Variants in NETO2 observed in about 807,000 individuals in gnomAD.
NETO2 encodes neuropilin and tolloid-like protein 2.
Under a neutral mutation model 62.5 loss-of-function variants are expected in NETO2, and 28 were observed. The observed-to-expected ratio is 0.45, with a 90% CI of 0.33 to 0.61. The LOEUF (loss-of-function observed/expected upper bound fraction) is 0.61. Ranked by LOEUF, NETO2 falls within the 20% of genes least tolerant of loss-of-function variation. The pLI is 0.02. For missense variants in NETO2, 548 were observed against 643.2 expected (o/e 0.85, Z 1.60); for synonymous variants, 214 against 219.1 (o/e 0.98, Z 0.21).
At chr16:47,094,722 G>A (rs992371622) in intron 7 of NETO2, among the ~76,000 whole-genome samples, 1 of 143,776 alleles carries the variant, frequency 7.0e-6, no homozygotes, top group Admixed American at 7.1e-5. Context: ...CACCGCGCCT[G>A]GCCATTTATT....
intron 1 of NETO2, among the ~76,000 whole-genome samples, chr16:47,132,465 TAATC>T (rs1186831596): frequency 6.6e-6 from 1 of 152,194 alleles, no homozygotes; most frequent in East Asian, 1.9e-4. Flanking sequence ...AGAACATTCT[TAATC>T]AAGACAGAAG....
intron 6 of NETO2, among the ~76,000 whole-genome samples, chr16:47,119,041 T>C (rs1236813780): frequency 6.6e-6 from 1 of 152,144 alleles, no homozygotes; most frequent in Non-Finnish European, 1.5e-5. Context: ...TTTCTTTCCT[T>C]TTTTGTTTGG....
chr16:47,122,583 C>A, intron 6 of NETO2, 74 bp downstream of exon 6: 1 of 1,530,916 alleles, frequency 6.5e-7, no homozygotes. Flanking sequence ...TTTACACAAA[C>A]CAAAATTACA....
intron 4 of NETO2, among the ~76,000 whole-genome samples, chr16:47,125,493 G>A (rs754899413): frequency 3.9e-5 from 6 of 151,914 alleles, no homozygotes; most frequent in Non-Finnish European, 8.8e-5. Flanking sequence ...TTACAGACGT[G>A]CACCACCACG....
intron 3 of NETO2, 35 bp downstream of exon 3, chr16:47,129,188 TA>T (rs769422684): frequency 6.2e-7 from 1 of 1,600,256 alleles, no homozygotes; most frequent in South Asian, 1.1e-5. Context: ...TACAATAAAG[TA>T]AAAATTCATC....
chr16:47,109,932 T>C (rs1963757112), intron 6 of NETO2, among the ~76,000 whole-genome samples: 1 of 152,204 alleles, frequency 6.6e-6, no homozygotes, highest in Admixed American at 6.5e-5. Context: ...TTACTTTGTG[T>C]TTTGTCTATA....
chr16:47,108,324 G>T (rs1043916131), intron 7 of NETO2, among the ~76,000 whole-genome samples: 1 of 152,098 alleles, frequency 6.6e-6, no homozygotes, highest in Non-Finnish European at 1.5e-5. Flanking sequence ...AGAAGATATT[G>T]GCATAGTCTC....
At chr16:47,093,322 A>G (rs1029401587) in intron 7 of NETO2, among the ~76,000 whole-genome samples, 1 of 152,164 alleles carries the variant, frequency 6.6e-6, no homozygotes, top group Non-Finnish European at 1.5e-5. Flanking sequence ...CCTTCAAAAT[A>G]TATCTACTCT....
intron 2 of NETO2, 26 bp downstream of exon 2, chr16:47,131,942 AG>A: frequency 6.3e-7 from 1 of 1,591,234 alleles, no homozygotes; most frequent in Non-Finnish European, 8.6e-7. Context: ...TTAAACATGC[AG>A]TAAGTCACCA....
chr16:47,133,169 T>C (rs1164747422), intron 1 of NETO2, among the ~76,000 whole-genome samples: 1 of 152,150 alleles, frequency 6.6e-6, no homozygotes, highest in Admixed American at 6.6e-5. Flanking sequence ...AGGTCCATTC[T>C]GCTGGGGGTT....
chr16:47,120,216 T>C (rs1324042233), intron 6 of NETO2, among the ~76,000 whole-genome samples: 1 of 152,202 alleles, frequency 6.6e-6, no homozygotes, highest in East Asian at 1.9e-4. Flanking sequence ...CATCAGCTCT[T>C]TTTTGACATT....
At chr16:47,086,906 A>G (rs183292402) in intron 7 of NETO2, among the ~76,000 whole-genome samples, 46 of 152,368 alleles carry the variant, frequency 3.0e-4, no homozygotes, top group Admixed American at 2.9e-3. Context: ...TGATGGGTGG[A>G]TGGATAAACA....
chr16:47,093,092 G>C lies in NETO2; in HGVS notation c.884-6753C>G, dbSNP rs112534674. ...GCCCCAGCTAAGGCACAGCGCTAAA[G>C]ATGTTACTTTATAGTGTCAACTCCC... is the stretch of plus-strand genomic sequence containing the variant. On this transcript the variant is annotated intron_variant, in intron 7 of 8. Coordinates refer to ENST00000562435, the MANE Select transcript of NETO2 (RefSeq NM_018092.5). 2.0e-3 allele frequency among the ~76,000 whole-genome samples: 310 copies of C among 152,256 alleles called. 4 individuals are homozygous for C. The highest frequency in any genetic ancestry group is 7.1e-3 in the African/African-American group (295 of 41,558).
intron 7 of NETO2, among the ~76,000 whole-genome samples, 175 bp from the exon 8 acceptor site, chr16:47,086,514 T>G (rs1963193498): frequency 1.3e-5 from 2 of 152,230 alleles, no homozygotes; most frequent in Non-Finnish European, 1.5e-5. Flanking sequence ...GCTGGCTCAT[T>G]CAAACTTTTT....
At chr16:47,084,371 C>A (rs912455379) in intron 8 of NETO2, among the ~76,000 whole-genome samples, 1 of 152,212 alleles carries the variant, frequency 6.6e-6, no homozygotes. Context: ...GGGTCCTCAA[C>A]CCCTGGGCCA....
At chr16:47,140,364 A>G (rs16952589) in intron 1 of NETO2, among the ~76,000 whole-genome samples, 11,542 of 152,240 alleles carry the variant, frequency 0.076, 759 homozygotes, top group African/African-American at 0.18. Context: ...TTGAAAAATG[A>G]TAGGAGATTG....
intron 4 of NETO2, among the ~76,000 whole-genome samples, chr16:47,126,217 C>G (rs1964154850): frequency 1.3e-5 from 2 of 152,152 alleles, no homozygotes; most frequent in Non-Finnish European, 2.9e-5. Flanking sequence ...CAGCTTTATT[C>G]ATAATTGCCA....
At chr16:47,103,527 G>A (rs1478008531) in intron 7 of NETO2, among the ~76,000 whole-genome samples, 1 of 152,046 alleles carries the variant, frequency 6.6e-6, no homozygotes, top group African/African-American at 2.4e-5. Flanking sequence ...GCCAGAACTA[G>A]TTACTCATTC....
intron 6 of NETO2, among the ~76,000 whole-genome samples, chr16:47,118,784 T>C (rs1459430194): frequency 6.6e-6 from 1 of 152,220 alleles, no homozygotes; most frequent in Non-Finnish European, 1.5e-5. Context: ...TCTCAGACAT[T>C]AAATCATTGC....
Sources: gnomAD v4.1 joint callset for allele counts (sites outside exome capture counted in the v4.1 genomes callset) on GRCh38, gnomAD v4.1.1 for gene constraint, MANE v1.5 for transcripts, NCBI Gene and HGNC (gene_info 2026-07-23, HGNC 2026-07-21) for gene names.